Variants in AKAP7 observed in about 807,000 individuals in gnomAD.
The protein encoded by AKAP7 is A kinase (PRKA) anchor protein 7.
In AKAP7, 39 loss-of-function variants were observed where a neutral mutation model predicts 39.5. The observed-to-expected ratio is 0.99, with a 90% CI of 0.76 to 1.29. The LOEUF (loss-of-function observed/expected upper bound fraction) is 1.29, where lower values mean the gene tolerates loss of function less well. AKAP7 is among the 50% of genes most tolerant of loss of function. AKAP7 has a pLI of 0.00. For missense variants in AKAP7, 414 were observed against 407.7 expected (o/e 1.02, Z -0.13); for synonymous variants, 140 against 139.1 (o/e 1.01, Z -0.05).
intron 7 of AKAP7, among the ~76,000 whole-genome samples, chr6:131,280,273 G>A (rs559473932): frequency 6.6e-6 from 1 of 152,256 alleles, no homozygotes; most frequent in African/African-American, 2.4e-5. Context: ...CACTATTAGT[G>A]TTTCTAGATG....
chr6:131,220,063 T>C (rs996274838), intron 7 of AKAP7, among the ~76,000 whole-genome samples: 2 of 152,198 alleles, frequency 1.3e-5, no homozygotes, highest in African/African-American at 4.8e-5. Flanking sequence ...TCTGGAAATA[T>C]TGATTTAGAA....
intron 2 of AKAP7, among the ~76,000 whole-genome samples, chr6:131,152,982 T>C (rs1041244692): frequency 6.6e-6 from 1 of 151,680 alleles, no homozygotes; most frequent in Non-Finnish European, 1.5e-5. Flanking sequence ...CAAAAAAAAT[T>C]AGCTGGGCAT....
intron 7 of AKAP7, among the ~76,000 whole-genome samples, chr6:131,255,944 T>TAGTACTTG (rs1220316980): frequency 6.6e-6 from 1 of 152,208 alleles, no homozygotes; most frequent in African/African-American, 2.4e-5. Flanking sequence ...CCAAGTACTA[T>TAGTACTTG]GCTAGGATTA....
chr6:131,229,756 T>C (rs1375104868), intron 7 of AKAP7, among the ~76,000 whole-genome samples: 2 of 152,184 alleles, frequency 1.3e-5, no homozygotes, highest in Non-Finnish European at 2.9e-5. Context: ...TTTTTACATA[T>C]ATACACATGC....
At chr6:131,152,800 C>A (rs1477782993) in intron 2 of AKAP7, among the ~76,000 whole-genome samples, 1 of 139,526 alleles carries the variant, frequency 7.2e-6, no homozygotes, top group East Asian at 2.1e-4. Context: ...GCACTGCAGC[C>A]TGGGCAACAA....
At chr6:131,253,053 G>A (rs560490927) in intron 7 of AKAP7, 24 of 1,613,454 alleles carry the variant, frequency 1.5e-5, no homozygotes, top group South Asian at 5.5e-5. Context: ...TGGAAAGCTC[G>A]TCCTCTGCAG....
At chr6:131,185,241 C>G in intron 5 of AKAP7, 1 of 467,528 alleles carries the variant, frequency 2.1e-6, no homozygotes. Flanking sequence ...GGGGTGGGCT[C>G]ACCGCTTTTT....
Position 131,281,702 on chromosome 6 carries a change from T to C in AKAP7, c.1023T>C (p.Asn341=). ...CCGAAGCAGCTGATCAGAATGGCAATGACAATGAGAACAACAGGAAATGAG... is the reference window on the plus strand; with the variant it reads ...CCGAAGCAGCTGATCAGAATGGCAACGACAATGAGAACAACAGGAAATGAG... ...VKTEAADQNG[N]DNENNRK The change falls in exon 8 of 8, where the codon AAT becomes AAC. Residue 341 remains asparagine (N), a synonymous_variant. Coordinates refer to ENST00000431975, the MANE Select transcript of AKAP7 (RefSeq NM_016377.4). This position sits in a 1 kb window ranked among gnomAD's most constrained non-coding sequence, Gnocchi z 4.0. 3 of 1,609,314 alleles carry C rather than the reference T, an allele frequency of 1.9e-6. No homozygotes were observed. The highest frequency in any genetic ancestry group is 1.1e-5 in the South Asian group (1 of 90,350).
chr6:131,241,627 G>GTGTGTGTGTGTGTGTATATATATA, intron 7 of AKAP7, among the ~76,000 whole-genome samples: 4 of 86,638 alleles, frequency 4.6e-5, no homozygotes, highest in African/African-American at 1.0e-4. Flanking sequence ...GTGTGTGTGT[G>GTGTGTGTGTGTGTGTATATATATA]TATATATATA....
rs1253367246 is a variant in AKAP7 at position 131,230,390 on chromosome 6, GTCT to G, written c.850+10587_850+10589del. Among the ~76,000 whole-genome samples, 36 of 152,176 alleles carry G rather than the reference GTCT, an allele frequency of 2.4e-4. No individual in the cohort carries two copies. The East Asian group carries it at 6.6e-3, about 28-fold the overall frequency. ...TCATATATTTGTTGGTCACTTGTAT[GTCT>G]TCTTTTGAGAAGTATCTGTTCATGT... On this transcript the variant is annotated intron_variant, in intron 7 of 7. Transcript: ENST00000431975.
intron 7 of AKAP7, among the ~76,000 whole-genome samples, chr6:131,224,776 C>T (rs1327070394): frequency 2.1e-5 from 2 of 94,764 alleles, no homozygotes; most frequent in Non-Finnish European, 3.8e-5. Context: ...GAGTCTTGCT[C>T]TTTCACCCAG....
At chr6:131,232,283 T>C (rs1023980825) in intron 7 of AKAP7, among the ~76,000 whole-genome samples, 1 of 152,174 alleles carries the variant, frequency 6.6e-6, no homozygotes, top group African/African-American at 2.4e-5. Context: ...GGAAGTTTAT[T>C]GTAAAAAATA....
intron 7 of AKAP7, among the ~76,000 whole-genome samples, chr6:131,259,670 A>G (rs1313199791): frequency 6.6e-6 from 1 of 152,240 alleles, no homozygotes; most frequent in Non-Finnish European, 1.5e-5. Context: ...GGATCATAAA[A>G]TAGAGAAGTT....
intron 1 of AKAP7, chr6:131,136,795 G>A (rs982236861): frequency 4.6e-5 from 43 of 939,018 alleles, no homozygotes; most frequent in Non-Finnish European, 4.4e-5. Flanking sequence ...AAGCCTGGAG[G>A]TCAAGTAACT....
At chr6:131,241,625 GTGTATA>G (rs1348436411) in intron 7 of AKAP7, among the ~76,000 whole-genome samples, 2 of 65,274 alleles carry the variant, frequency 3.1e-5, no homozygotes, top group South Asian at 4.3e-4. Flanking sequence ...GTGTGTGTGT[GTGTATA>G]TATATATGAC....
At chr6:131,215,246 C>G (rs980211776) in intron 6 of AKAP7, among the ~76,000 whole-genome samples, 1 of 152,218 alleles carries the variant, frequency 6.6e-6, no homozygotes, top group African/African-American at 2.4e-5. Flanking sequence ...CTCAGCAAGA[C>G]AGCAAACAGG....
rs550696639 is a variant in AKAP7 at position 131,198,987 on chromosome 6, C to T, written c.590-474C>T. The stretch of plus-strand genomic sequence containing the variant: ...TCTGTTTCATCTCCTTACACAAGAC[C>T]TTGGGCATTCAAAGATGTAAGCTGG... On this transcript the variant is annotated intron_variant, in intron 5 of 7. Transcript: ENST00000431975. 5.9e-5 allele frequency among the ~76,000 whole-genome samples: 9 copies of T among 152,306 alleles called. No individual in the cohort carries two copies. In the South Asian group the frequency reaches 1.9e-3, roughly 32 times the overall value.
chr6:131,203,657 C>G lies in AKAP7; in HGVS notation c.702+4084C>G, dbSNP rs572515553. Among the ~76,000 whole-genome samples the G allele has an allele frequency of 1.7e-4, 26 of 152,276 alleles. No homozygotes were observed. The East Asian group carries it at 4.1e-3, about 24-fold the overall frequency. The stretch of plus-strand genomic sequence containing the variant: ...CACTTCCTCCCAACAGAATGTCTCT[C>G]TAGGTAAACACTGCCAGTAGATCCT... On this transcript the variant is annotated intron_variant, in intron 6 of 7. Transcript: ENST00000431975.
At chr6:131,232,554 G>T (rs375659993) in intron 7 of AKAP7, among the ~76,000 whole-genome samples, 18 of 152,166 alleles carry the variant, frequency 1.2e-4, no homozygotes, top group African/African-American at 4.3e-4. Flanking sequence ...CTGGCCGGCC[G>T]GTGGCTCACA....
Sources: gnomAD v4.1 joint callset for allele counts (sites outside exome capture counted in the v4.1 genomes callset) on GRCh38, gnomAD v4.1.1 for gene constraint, Gnocchi (gnomAD v3.1) non-coding constraint, MANE v1.5 for transcripts, NCBI Gene and HGNC (gene_info 2026-07-23, HGNC 2026-07-21) for gene names.